Variants in KIAA0825 observed in about 807,000 individuals in gnomAD.
KIAA0825 encodes the protein uncharacterized protein KIAA0825.
In KIAA0825, 119 loss-of-function variants were observed where a neutral mutation model predicts 147.6. That is an observed-to-expected ratio of 0.81 (90% confidence interval 0.69 to 0.94). KIAA0825 has a LOEUF of 0.94. Ranked by LOEUF, KIAA0825 falls within the 40% of genes least tolerant of loss-of-function variation. The pLI, the probability that KIAA0825 is intolerant of heterozygous loss-of-function variation, is 0.00. For synonymous variants in KIAA0825, 470 were observed against 518.1 expected (o/e 0.91, Z 1.26); for missense variants, 1,381 against 1,472.7 (o/e 0.94, Z 1.02).
At chr5:94,327,607 T>C (rs1278213635) in intron 20 of KIAA0825, among the ~76,000 whole-genome samples, 1 of 152,202 alleles carries the variant, frequency 6.6e-6, no homozygotes, top group East Asian at 1.9e-4. Context: ...AATTCAAATG[T>C]ACTGTGTTGG....
At chr5:94,373,652 C>T (rs1160401609) in intron 20 of KIAA0825, among the ~76,000 whole-genome samples, 3 of 152,044 alleles carry the variant, frequency 2.0e-5, no homozygotes, top group African/African-American at 7.2e-5. Flanking sequence ...GGAAACCGCT[C>T]CCATGATTCA....
chr5:94,265,346 A>G lies in KIAA0825; in HGVS notation c.3711-111222T>C, dbSNP rs528048311. Among the ~76,000 whole-genome samples the G allele has an allele frequency of 3.9e-5, 6 of 152,280 alleles. No individual in the cohort carries two copies. The South Asian group carries it at 1.2e-3, about 32-fold the overall frequency. On this transcript the variant is annotated intron_variant, in intron 20 of 20. Transcript: ENST00000682413. The stretch of plus-strand genomic sequence containing the variant: ...CCATTTCAGGCATTTACAAAATCAA[A>G]GCAATTTTTATACTACTACTAAAAT...
chr5:94,418,386 T>C (rs1753744602), intron 14 of KIAA0825, among the ~76,000 whole-genome samples: 1 of 152,130 alleles, frequency 6.6e-6, no homozygotes, highest in African/African-American at 2.4e-5. Flanking sequence ...CCATTTTCTT[T>C]CTTTTCAAAA....
chr5:94,581,203 G>A (rs1782106408), intron 2 of KIAA0825, among the ~76,000 whole-genome samples: 1 of 152,126 alleles, frequency 6.6e-6, no homozygotes, highest in South Asian at 2.1e-4. Flanking sequence ...ATTAGGATTA[G>A]AGGTACAAGA....
rs549053265 is a variant in KIAA0825, at chr5:94,287,204, T to G, written c.3710+97164A>C. On this transcript the variant is annotated intron_variant, in intron 20 of 20. Coordinates refer to ENST00000682413, the MANE Select transcript of KIAA0825 (RefSeq NM_001145678.3). ...CTATTATTAAAACTCTTCTACTACG[T>G]TACCTTCAGCTACAAATATGTGGAT... 1.3e-3 allele frequency among the ~76,000 whole-genome samples: 200 copies of G among 152,298 alleles called. 1 individual carries two copies. The highest frequency in any genetic ancestry group is 2.5e-3 in the Non-Finnish European group (168 of 68,018).
At chr5:94,557,433 A>C (rs1339565969) in intron 2 of KIAA0825, among the ~76,000 whole-genome samples, 1 of 149,288 alleles carries the variant, frequency 6.7e-6, no homozygotes, top group African/African-American at 2.5e-5. Flanking sequence ...TAAATCAATT[A>C]TACAACATAC....
chr5:94,492,669 G>A (rs1483498019), intron 5 of KIAA0825, among the ~76,000 whole-genome samples: 2 of 152,120 alleles, frequency 1.3e-5, no homozygotes, highest in Non-Finnish European at 2.9e-5. Context: ...AAAATCAACT[G>A]CTTTTAACTT....
intron 2 of KIAA0825, among the ~76,000 whole-genome samples, chr5:94,565,036 CCTCTCT>C (rs374763420): frequency 3.0e-4 from 33 of 110,038 alleles, no homozygotes; most frequent in Admixed American, 6.1e-4. Context: ...CTCTTTCTTT[CCTCTCT>C]CTCTCTCTCT....
In KIAA0825 at chr5:94,507,074, T is replaced by C. The variant is rs145736201; in HGVS notation, c.970+13174A>G. Among the ~76,000 whole-genome samples, 9 of 152,328 alleles carry C rather than the reference T, an allele frequency of 5.9e-5. No individual in the cohort carries two copies. In the East Asian group the frequency reaches 1.5e-3, roughly 26 times the overall value. ...TATAGTCAAGAAAATGAAGCCAAAG[T>C]ATCCTCTAGTCTCAATAGGAGTAAG... On this transcript the variant is annotated intron_variant, in intron 5 of 20. Coordinates refer to ENST00000682413, the MANE Select transcript of KIAA0825 (RefSeq NM_001145678.3).
chr5:94,214,825 C>T (rs1024903232), intron 20 of KIAA0825, among the ~76,000 whole-genome samples: 2 of 152,188 alleles, frequency 1.3e-5, no homozygotes, highest in African/African-American at 2.4e-5. Flanking sequence ...CTTTTCTCTA[C>T]GTTCATGTGA....
At chr5:94,308,997 T>C (rs969223706) in intron 20 of KIAA0825, among the ~76,000 whole-genome samples, 3 of 151,826 alleles carry the variant, frequency 2.0e-5, no homozygotes, top group Non-Finnish European at 4.4e-5. Context: ...TGCTTTTCTT[T>C]AGTCATATTC....
intron 5 of KIAA0825, among the ~76,000 whole-genome samples, chr5:94,496,353 T>C (rs1489377349): frequency 6.6e-6 from 1 of 152,244 alleles, no homozygotes; most frequent in Admixed American, 6.5e-5. Context: ...GTGAAGTGGC[T>C]GAAACAGGGA....
At chr5:94,184,551 A>G (rs535684313) in intron 20 of KIAA0825, among the ~76,000 whole-genome samples, 66 of 152,288 alleles carry the variant, frequency 4.3e-4, no homozygotes, top group African/African-American at 1.2e-3. Context: ...TTCTTAGTCT[A>G]AAAAGAAGGC....
intron 20 of KIAA0825, among the ~76,000 whole-genome samples, chr5:94,372,195 T>G (rs1404031138): frequency 6.6e-6 from 1 of 152,200 alleles, no homozygotes; most frequent in Non-Finnish European, 1.5e-5. Flanking sequence ...CACAGGCTGG[T>G]GCTGAGTGCC....
chr5:94,244,837 A>G (rs1444492991), intron 20 of KIAA0825, among the ~76,000 whole-genome samples: 1 of 152,226 alleles, frequency 6.6e-6, no homozygotes, highest in Non-Finnish European at 1.5e-5. Context: ...TCCATATTCT[A>G]TATGGTATCC....
chr5:94,396,110 C>A lies in KIAA0825; in HGVS notation c.3287G>T (p.Ser1096Ile). The change falls in exon 17 of 21, where the codon AGC becomes ATC. Residue 1096 changes from serine (S) to isoleucine (I), a missense_variant. By Grantham distance (142) the Ser-to-Ile change is moderately radical. Coordinates refer to ENST00000682413, the MANE Select transcript of KIAA0825 (RefSeq NM_001145678.3). ...AAAAACATCACTTTACCATTCAGTG[C>A]TCAGTTTCCTTGCTTTCAACAATTG... ...ERQLLKARKLSTECAFMTIEK... is the reference protein window; with the variant it reads ...ERQLLKARKLITECAFMTIEK... 6.8e-7 allele frequency: 1 copy of A among 1,478,178 alleles called. No individual in the cohort carries two copies. Among genetic ancestry groups the A allele is most frequent in the South Asian group, 1.4e-5 (1 of 71,216 alleles). 91.6% of individuals were successfully genotyped at this position (1,478,178 alleles called of 1,614,324 possible). A position where few individuals can be genotyped will look rare whatever the true frequency, so the allele number is the denominator to read the frequency against.
chr5:94,389,713 C>T (rs1293006525), intron 18 of KIAA0825, among the ~76,000 whole-genome samples: 1 of 152,200 alleles, frequency 6.6e-6, no homozygotes, highest in Non-Finnish European at 1.5e-5. Flanking sequence ...TGCAATGTCA[C>T]TTACAGCATA....
intron 20 of KIAA0825, among the ~76,000 whole-genome samples, chr5:94,335,278 A>G (rs1781688342): frequency 6.6e-6 from 1 of 152,172 alleles, no homozygotes; most frequent in Non-Finnish European, 1.5e-5. Context: ...GAAAAATAAC[A>G]TCTTTATGAT....
At chr5:94,269,232 G>A (rs1231412205) in intron 20 of KIAA0825, among the ~76,000 whole-genome samples, 3 of 152,058 alleles carry the variant, frequency 2.0e-5, no homozygotes, top group Non-Finnish European at 4.4e-5. Flanking sequence ...GATAGTATTT[G>A]AAAGCCTCAT....
Sources: gnomAD v4.1 joint callset for allele counts (sites outside exome capture counted in the v4.1 genomes callset) on GRCh38, gnomAD v4.1.1 for gene constraint, MANE v1.5 for transcripts, NCBI Gene and HGNC (gene_info 2026-07-23, HGNC 2026-07-21) for gene names.